Variants in EML4 observed in about 807,000 individuals in gnomAD.
The protein encoded by EML4 is echinoderm microtubule-associated protein-like 4.
EML4 carries 72 observed loss-of-function variants against 129.0 expected under a neutral mutation model. The ratio of observed to expected loss-of-function variants is 0.56; its 90% CI spans 0.46 to 0.68. EML4 has a LOEUF of 0.68. EML4 is among the 30% of genes least tolerant of loss of function. EML4 has a pLI of 0.00. For missense variants in EML4, 1,363 were observed against 1,190.6 expected (o/e 1.14, Z -2.13); for synonymous variants, 532 against 405.0 (o/e 1.31, Z -3.77).
At chr2:42,284,173 T>C (rs17317481) in intron 8 of EML4, among the ~76,000 whole-genome samples, 1 of 152,170 alleles carries the variant, frequency 6.6e-6, no homozygotes, top group African/African-American at 2.4e-5. Flanking sequence ...CTGTTTTCTT[T>C]TGTTGAAAAG....
At chr2:42,170,185 T>C (rs1670185839) in intron 1 of EML4, 1 of 152,434 alleles carries the variant, frequency 6.6e-6, no homozygotes, top group South Asian at 2.0e-4. Flanking sequence ...GACTTTCCAG[T>C]ATCCTTCAGA....
At chr2:42,172,540 G>T (rs1670342225) in intron 1 of EML4, among the ~76,000 whole-genome samples, 1 of 152,152 alleles carries the variant, frequency 6.6e-6, no homozygotes, top group East Asian at 1.9e-4. Flanking sequence ...CGCAGCTGAT[G>T]AATTTCAGGC....
chr2:42,232,957 C>T (rs1347279285), intron 1 of EML4, among the ~76,000 whole-genome samples: 2 of 152,160 alleles, frequency 1.3e-5, no homozygotes, highest in South Asian at 2.1e-4. Flanking sequence ...CATCTGACCT[C>T]GTGATCCCCC....
In EML4 at chr2:42,219,668, A is replaced by G. The variant is rs563782663; in HGVS notation, c.26-25837A>G. On this transcript the variant is annotated intron_variant, in intron 1 of 22. Transcript: ENST00000318522. ...TGCAGTGGCTCACGCCTGTAATCCC[A>G]GGATTTTGGGAGGCCGAGGTGGGCA... Among the ~76,000 whole-genome samples the G allele has an allele frequency of 2.0e-5, 3 of 152,272 alleles. No individual in the cohort carries two copies. The South Asian group carries it at 6.2e-4, about 32-fold the overall frequency.
intron 19 of EML4, among the ~76,000 whole-genome samples, chr2:42,324,747 G>A (rs774058935): frequency 2.6e-5 from 4 of 152,220 alleles, no homozygotes; most frequent in Non-Finnish European, 4.4e-5. Flanking sequence ...TAATTTATCT[G>A]AAATAGTTTA....
intron 6 of EML4, among the ~76,000 whole-genome samples, chr2:42,269,700 C>G (rs751846325): frequency 5.3e-5 from 8 of 152,256 alleles, no homozygotes; most frequent in Non-Finnish European, 8.8e-5. Context: ...GGAAGCCGTT[C>G]ATAAAAGTAT....
intron 6 of EML4, 170 bp downstream of exon 6, chr2:42,264,901 C>A (rs2104399499): frequency 6.5e-7 from 1 of 1,549,986 alleles, no homozygotes; most frequent in East Asian, 2.4e-5. Flanking sequence ...AAGGTAATGT[C>A]ATTTTTGTCT....
At chr2:42,299,210 C>A (rs1240511986) in intron 13 of EML4, among the ~76,000 whole-genome samples, 4 of 152,204 alleles carry the variant, frequency 2.6e-5, no homozygotes, top group Non-Finnish European at 5.9e-5. Context: ...CCTTTCCTGT[C>A]TCCCTGCCAT....
chr2:42,244,895 C>T (rs1675284480), intron 1 of EML4, among the ~76,000 whole-genome samples: 1 of 151,948 alleles, frequency 6.6e-6, no homozygotes, highest in Admixed American at 6.5e-5. Flanking sequence ...ATTTAGGGAG[C>T]CTTTTCGTGA....
intron 2 of EML4, among the ~76,000 whole-genome samples, chr2:42,246,317 T>C (rs1675398583): frequency 6.6e-6 from 1 of 152,218 alleles, no homozygotes; most frequent in Admixed American, 6.5e-5. Flanking sequence ...TTCTTTCACA[T>C]GAATCAAGAT....
rs185213401 is a variant in EML4, at chr2:42,246,810, G to A, written c.208+1123G>A. ...GCACAAAAAGTGATGCACATTGCCAGCTGCTTACAGAGATGTCAAATAAAA... is the reference window on the plus strand; with the variant it reads ...GCACAAAAAGTGATGCACATTGCCAACTGCTTACAGAGATGTCAAATAAAA... On this transcript the variant is annotated intron_variant, in intron 2 of 22. Coordinates refer to ENST00000318522, the MANE Select transcript of EML4 (RefSeq NM_019063.5). 2.0e-3 allele frequency among the ~76,000 whole-genome samples: 303 copies of A among 152,274 alleles called. 1 individual carries two copies. Among genetic ancestry groups the A allele is most frequent in the African/African-American group, 6.9e-3 (288 of 41,548 alleles).
intron 1 of EML4, among the ~76,000 whole-genome samples, chr2:42,214,382 T>C (rs1673057854): frequency 6.6e-6 from 1 of 152,210 alleles, no homozygotes; most frequent in Non-Finnish European, 1.5e-5. Flanking sequence ...TTCCCAACTA[T>C]GTAGCTTTTT....
intron 6 of EML4, among the ~76,000 whole-genome samples, chr2:42,278,403 A>G (rs11684297): frequency 0.63 from 95,628 of 151,754 alleles, 31,138 homozygotes; most frequent in African/African-American, 0.79. Context: ...GTGAAACCAC[A>G]TGTCTACTAA....
At chr2:42,290,738 A>AT (rs921353515) in intron 11 of EML4, among the ~76,000 whole-genome samples, 1 of 152,074 alleles carries the variant, frequency 6.6e-6, no homozygotes, top group African/African-American at 2.4e-5. Flanking sequence ...TCTCAAAAAA[A>AT]TTTTTTTTAA....
chr2:42,218,363 T>C (rs1303685837), intron 1 of EML4, among the ~76,000 whole-genome samples: 2 of 152,074 alleles, frequency 1.3e-5, no homozygotes, highest in African/African-American at 4.8e-5. Context: ...AGCCATATAA[T>C]TATTTTATTA....
chr2:42,264,591 A>G (rs1412321664), intron 5 of EML4, 115 bp from the exon 6 acceptor site: 2 of 672,528 alleles, frequency 3.0e-6, no homozygotes, highest in East Asian at 2.8e-5. Context: ...TCACTTCCAG[A>G]GATTTATCTA....
At chr2:42,289,970 C>G (rs1372946648) in intron 11 of EML4, 1 of 151,610 alleles carries the variant, frequency 6.6e-6, no homozygotes, top group Non-Finnish European at 1.5e-5. Context: ...GCTTGTAACC[C>G]CAGCTACCCT....
rs1002855784 is a variant in EML4, at chr2:42,284,959, C to T, written c.1011+256C>T. Among the ~76,000 whole-genome samples the T allele has an allele frequency of 7.9e-5, 12 of 152,120 alleles. No homozygotes were observed. The South Asian group carries it at 8.3e-4, about 11-fold the overall frequency. On this transcript the variant is annotated intron_variant, in intron 9 of 22. Coordinates refer to ENST00000318522, the MANE Select transcript of EML4 (RefSeq NM_019063.5). ...TACTGTAAAAATGGGAAAACTGATA[C>T]GCTCGTTACATTTTCTTTATATAAA...
intron 6 of EML4, among the ~76,000 whole-genome samples, 165 bp from the exon 7 acceptor site, chr2:42,280,685 C>T (rs981316345): frequency 1.3e-5 from 2 of 152,042 alleles, no homozygotes; most frequent in South Asian, 2.1e-4. Context: ...ATCAGTCCCC[C>T]GTGGATACAG....
Sources: allele counts gnomAD v4.1 joint callset (sites outside exome capture counted in the v4.1 genomes callset), GRCh38; gene constraint gnomAD v4.1.1; transcripts MANE v1.5; gene names NCBI Gene and HGNC (gene_info 2026-07-23, HGNC 2026-07-21).